The following RGS7 variants were observed in gnomAD, a reference collection of about 807,000 sequenced individuals.
The protein encoded by RGS7 is regulator of G-protein signaling 7.
In RGS7, 27 loss-of-function variants were observed where a neutral mutation model predicts 81.1. The ratio of observed to expected loss-of-function variants is 0.33; its 90% confidence interval spans 0.25 to 0.46. The LOEUF (loss-of-function observed/expected upper bound fraction) is 0.46, where lower values mean the gene tolerates loss of function less well. RGS7 is among the 20% of genes least tolerant of loss of function. The pLI is 1.00. For synonymous variants in RGS7, 208 were observed against 207.7 expected (o/e 1.00, Z -0.01); for missense variants, 396 against 607.4 (o/e 0.65, Z 3.66).
chr1:241,114,412 G>C (rs1338586089), intron 2 of RGS7, among the ~76,000 whole-genome samples: 1 of 152,020 alleles, frequency 6.6e-6, no homozygotes, highest in South Asian at 2.1e-4. Flanking sequence ...ACAAGTGGTG[G>C]TGGACGATTA....
intron 2 of RGS7, among the ~76,000 whole-genome samples, chr1:241,136,597 G>A (rs987158788): frequency 4.6e-5 from 7 of 152,138 alleles, no homozygotes; most frequent in Non-Finnish European, 8.8e-5. Context: ...CACCACCCAC[G>A]AAAGGCCGGG....
intron 3 of RGS7, among the ~76,000 whole-genome samples, chr1:241,057,385 T>G (rs538772919): frequency 1.3e-5 from 2 of 152,344 alleles, no homozygotes; most frequent in East Asian, 1.9e-4. Flanking sequence ...TCCTGTTATG[T>G]ATTCAGACTT....
chr1:241,305,818 TG>T, intron 2 of RGS7: 1 of 302,414 alleles, frequency 3.3e-6, no homozygotes, highest in Non-Finnish European at 6.6e-6. Flanking sequence ...GGCTGTGCCT[TG>T]GTTTCCTCAC....
intron 2 of RGS7, among the ~76,000 whole-genome samples, chr1:241,200,220 C>A (rs2073395847): frequency 6.6e-6 from 1 of 152,012 alleles, no homozygotes; most frequent in Non-Finnish European, 1.5e-5. Flanking sequence ...ATTAATGAAG[C>A]TTACATTAAT....
At chr1:241,214,921 CT>C (rs2074458758) in intron 2 of RGS7, among the ~76,000 whole-genome samples, 1 of 152,100 alleles carries the variant, frequency 6.6e-6, no homozygotes, top group Admixed American at 6.5e-5. Context: ...GATACTATAA[CT>C]TTAACCATTA....
At chr1:241,320,139 C>G (rs755620316) in intron 2 of RGS7, among the ~76,000 whole-genome samples, 11 of 152,152 alleles carry the variant, frequency 7.2e-5, no homozygotes, top group Non-Finnish European at 4.4e-5. Context: ...TAACTACTCT[C>G]CCTGTGTTTT....
intron 2 of RGS7, among the ~76,000 whole-genome samples, chr1:241,198,677 T>C (rs1382362334): frequency 1.3e-5 from 2 of 152,094 alleles, no homozygotes; most frequent in Non-Finnish European, 2.9e-5. Context: ...TGAAAGAAAA[T>C]ACATTTATAA....
At chr1:241,060,597 T>G (rs1196133033) in intron 3 of RGS7, among the ~76,000 whole-genome samples, 2 of 152,342 alleles carry the variant, frequency 1.3e-5, no homozygotes, top group Non-Finnish European at 2.9e-5. Context: ...TTCTTGATTT[T>G]CTACCAGGGT....
chr1:241,024,935 T>C lies in RGS7; in HGVS notation c.176-41806A>G, dbSNP rs563798975. ...GTTAATTTCTATCCATTTTAATTTT[T>C]GATAAATTCTTATTGAGAGCTACTA... is the stretch of plus-strand genomic sequence containing the variant. On this transcript the variant is annotated intron_variant, in intron 3 of 18. Transcript: ENST00000440928. 1.7e-3 allele frequency among the ~76,000 whole-genome samples: 260 copies of C among 152,356 alleles called. 1 individual carries two copies. The highest frequency in any genetic ancestry group is 5.7e-3 in the African/African-American group (237 of 41,584).
chr1:241,293,837 T>C (rs2079229644), intron 2 of RGS7, among the ~76,000 whole-genome samples: 1 of 152,176 alleles, frequency 6.6e-6, no homozygotes, highest in Admixed American at 6.5e-5. Context: ...GTTTACAGTG[T>C]TGGTGGGAGT....
chr1:241,217,241 G>A (rs1413690993), intron 2 of RGS7, among the ~76,000 whole-genome samples: 1 of 152,100 alleles, frequency 6.6e-6, no homozygotes, highest in Non-Finnish European at 1.5e-5. Context: ...TAGTGAGCAG[G>A]CCACCTGCTA....
intron 3 of RGS7, among the ~76,000 whole-genome samples, chr1:241,040,479 TTTTA>T (rs3077692): frequency 6.6e-5 from 10 of 151,112 alleles, no homozygotes; most frequent in East Asian, 1.9e-4. Context: ...TTACTTTTCT[TTTTA>T]TTTATTTATT....
intron 2 of RGS7, among the ~76,000 whole-genome samples, chr1:241,259,552 AG>A (rs2077207153): frequency 6.6e-6 from 1 of 150,576 alleles, no homozygotes; most frequent in African/African-American, 2.5e-5. Flanking sequence ...CGGGAGGCTA[AG>A]GCAGGAGAAT....
At chr1:240,890,115 G>A (rs896708630) in intron 6 of RGS7, among the ~76,000 whole-genome samples, 4 of 152,090 alleles carry the variant, frequency 2.6e-5, no homozygotes, top group African/African-American at 9.7e-5. Context: ...AACAATCTCC[G>A]TTTCCTGGTG....
intron 2 of RGS7, among the ~76,000 whole-genome samples, chr1:241,124,733 C>T (rs2066527893): frequency 6.6e-6 from 1 of 152,176 alleles, no homozygotes; most frequent in Non-Finnish European, 1.5e-5. Context: ...CCAGCAGAAA[C>T]AGGAAGGGCC....
At chr1:241,230,123 C>T (rs1302692396) in intron 2 of RGS7, among the ~76,000 whole-genome samples, 1 of 152,058 alleles carries the variant, frequency 6.6e-6, no homozygotes, top group Non-Finnish European at 1.5e-5. Flanking sequence ...CTTTTCTAAC[C>T]TTGCCTTATA....
At chr1:240,903,380 T>G (rs1558441255) in intron 6 of RGS7, among the ~76,000 whole-genome samples, 2 of 152,190 alleles carry the variant, frequency 1.3e-5, no homozygotes. Context: ...ATTTAAATTT[T>G]TTAATTTAAA....
intron 6 of RGS7, among the ~76,000 whole-genome samples, chr1:240,909,349 G>C (rs1671349745): frequency 6.6e-6 from 1 of 152,118 alleles, no homozygotes. Flanking sequence ...ACAAATGCGA[G>C]TTATCCATAC....
chr1:240,800,614 C>T lies in RGS7; in HGVS notation c.*6+27G>A, dbSNP rs778844061. 22 of 1,419,502 alleles carry T rather than the reference C, an allele frequency of 1.5e-5. No individual in the cohort carries two copies. The African/African-American group carries it at 2.7e-4, about 18-fold the overall frequency. 87.9% of individuals were successfully genotyped at this position (1,419,502 alleles called of 1,614,324 possible). On this transcript the variant is annotated intron_variant, in intron 18 of 18. Coordinates refer to ENST00000440928, the MANE Select transcript of RGS7 (RefSeq NM_001364886.1). ...CAACTCAACAGACAATGCAGACAAA[C>T]TTGAGTATAAACCAAGATTTTTCTA...
Sources: gnomAD v4.1 joint callset for allele counts (sites outside exome capture counted in the v4.1 genomes callset) on GRCh38, gnomAD v4.1.1 for gene constraint, MANE v1.5 for transcripts, NCBI Gene and HGNC (gene_info 2026-07-23, HGNC 2026-07-21) for gene names.